Variants in FCF1 observed in about 807,000 individuals in gnomAD.
The protein encoded by FCF1 is FCF1 rRNA-processing protein.
A neutral mutation model predicts 32.5 loss-of-function variants in FCF1; 17 were observed. The observed-to-expected ratio is 0.52, with a 90% CI of 0.36 to 0.78. The LOEUF is 0.78. FCF1 is among the 30% of genes least tolerant of loss of function. The pLI is 0.00. For synonymous variants in FCF1, 84 were observed against 78.4 expected, an observed-to-expected ratio of 1.07 and a Z score of -0.38; for missense variants, 201 against 241.1, an observed-to-expected ratio of 0.83 and a Z score of 1.10.
At position 74,735,927 on chromosome 14, in the gene FCF1, G is replaced by A. The variant is rs147834292; in HGVS notation, c.*997G>A. On this transcript the variant is annotated 3_prime_UTR_variant, in exon 8 of 8. Coordinates refer to ENST00000341162, the MANE Select transcript of FCF1 (RefSeq NM_015962.5). ...TTGTTTATTTGTTTGTTTTGAGACG[G>A]AGTCTCGCTCTGTCACCAGGCTGGA... The A allele has an allele frequency of 7.1e-4, 101 of 142,664 alleles. No homozygotes were observed. The highest frequency in any genetic ancestry group is 4.8e-3 in the Middle Eastern group (1 of 210). 8.8% of individuals were successfully genotyped at this position (142,664 alleles called of 1,614,324 possible). A position where few individuals can be genotyped will look rare whatever the true frequency, so the allele number is the denominator to read the frequency against.
At position 74,734,176 on chromosome 14, in the gene FCF1, A is replaced by C; in HGVS notation, c.548+6A>C. The C allele has an allele frequency of 6.4e-7, 1 of 1,568,100 alleles. No homozygotes were observed. Among genetic ancestry groups the C allele is most frequent in the Non-Finnish European group, 8.8e-7 (1 of 1,138,492 alleles). ...ATGTACATTTCTAACCATAGGTGAG[A>C]AATTTCCCTTGGAGAAGGGAATAGA... On this transcript the variant is annotated splice_donor_region_variant and intron_variant, in intron 7 of 7. Coordinates refer to ENST00000341162, the MANE Select transcript of FCF1 (RefSeq NM_015962.5).
At chr14:74,716,240 A>G (rs927591157) in intron 4 of FCF1, 141 bp downstream of exon 4, 4 of 719,896 alleles carry the variant, frequency 5.6e-6, no homozygotes, top group African/African-American at 1.8e-5. Flanking sequence ...AGCAGTGACC[A>G]TGTTTAATGA....
intron 4 of FCF1, among the ~76,000 whole-genome samples, chr14:74,719,845 T>C (rs2090476755): frequency 6.6e-6 from 1 of 152,002 alleles, no homozygotes; most frequent in East Asian, 1.9e-4. Flanking sequence ...CTGTGTGAGA[T>C]GGAGGGTTAC....
intron 5 of FCF1, among the ~76,000 whole-genome samples, chr14:74,729,388 G>A (rs1253953603): frequency 6.6e-5 from 10 of 151,898 alleles, no homozygotes; most frequent in African/African-American, 1.5e-4. Context: ...GTTTATTTGC[G>A]TAGAGGTGTT....
intron 5 of FCF1, 101 bp from the exon 6 acceptor site, chr14:74,732,630 G>C (rs1434870460): frequency 1.2e-5 from 9 of 781,968 alleles, no homozygotes; most frequent in South Asian, 4.8e-5. Context: ...GAGGAGAACA[G>C]TGCCTTAAAA....
intron 4 of FCF1, among the ~76,000 whole-genome samples, chr14:74,720,885 T>G (rs1387379093): frequency 2.0e-5 from 3 of 150,750 alleles, no homozygotes; most frequent in Non-Finnish European, 4.4e-5. Flanking sequence ...GTTTGTTTTT[T>G]TTTTTTTTTT....
At chr14:74,726,427 A>G (rs1295873674) in intron 5 of FCF1, among the ~76,000 whole-genome samples, 3 of 151,932 alleles carry the variant, frequency 2.0e-5, no homozygotes, top group Non-Finnish European at 4.4e-5. Context: ...GTTCGAGATC[A>G]TACCACTGCA....
chr14:74,733,226 C>T (rs913825899), intron 6 of FCF1, among the ~76,000 whole-genome samples: 2 of 152,284 alleles, frequency 1.3e-5, no homozygotes, highest in Non-Finnish European at 2.9e-5. Flanking sequence ...AAAAGTGCTT[C>T]TTAGTTAAAT....
intron 4 of FCF1, among the ~76,000 whole-genome samples, chr14:74,719,150 AAAG>A (rs2090463497): frequency 6.6e-6 from 1 of 150,556 alleles, no homozygotes; most frequent in Non-Finnish European, 1.5e-5. Context: ...AAAAAAAAAA[AAAG>A]CATGCATCGT....
chr14:74,726,855 T>G (rs1594788740), intron 5 of FCF1, among the ~76,000 whole-genome samples: 1 of 146,592 alleles, frequency 6.8e-6, no homozygotes, highest in Non-Finnish European at 1.5e-5. Context: ...GAATATGCGG[T>G]GTTTGGTTTT....
In FCF1 at chr14:74,725,376, A is replaced by G. The variant is rs921587334; in HGVS notation, c.365+2032A>G. Among the ~76,000 whole-genome samples, 7 of 143,032 alleles carry G rather than the reference A, an allele frequency of 4.9e-5. No homozygotes were observed. The East Asian group carries it at 1.6e-3, about 32-fold the overall frequency. 93.8% of individuals were successfully genotyped at this position (143,032 alleles called of 152,430 possible). On this transcript the variant is annotated intron_variant, in intron 5 of 7. Transcript: ENST00000341162. ...GTGCCCATATTCCCAGCTACTCTGGAGGCTGAGGCAGGAGAATCATTTGAG... is the reference window on the plus strand; with the variant it reads ...GTGCCCATATTCCCAGCTACTCTGGGGGCTGAGGCAGGAGAATCATTTGAG...
chr14:74,715,723 G>T, intron 3 of FCF1: 2 of 910,508 alleles, frequency 2.2e-6, no homozygotes, highest in Admixed American at 2.6e-5. Flanking sequence ...TTGTTTGTTT[G>T]TTTTTGATAA....
chr14:74,730,990 C>T (rs1203934339), intron 5 of FCF1, among the ~76,000 whole-genome samples: 2 of 151,554 alleles, frequency 1.3e-5, no homozygotes, highest in African/African-American at 4.9e-5. Context: ...AGAATGAGAC[C>T]CCATCTCCAA....
intron 5 of FCF1, among the ~76,000 whole-genome samples, chr14:74,725,094 T>A (rs1222660460): frequency 6.6e-6 from 1 of 150,958 alleles, no homozygotes; most frequent in African/African-American, 2.4e-5. Context: ...AGAAAAAGAT[T>A]GCTATAGAGA....
At chr14:74,729,655 C>T (rs555201839) in intron 5 of FCF1, among the ~76,000 whole-genome samples, 65 of 152,070 alleles carry the variant, frequency 4.3e-4, no homozygotes, top group Non-Finnish European at 6.8e-4. Flanking sequence ...CTTTTGAATG[C>T]GTTTGCTCTT....
chr14:74,733,020 A>G (rs1452870360), intron 6 of FCF1, among the ~76,000 whole-genome samples: 2 of 152,186 alleles, frequency 1.3e-5, no homozygotes, highest in South Asian at 2.1e-4. Context: ...CACTCTAACC[A>G]TAATGGAAAG....
chr14:74,717,846 T>C (rs943689835), intron 4 of FCF1, among the ~76,000 whole-genome samples: 5 of 152,222 alleles, frequency 3.3e-5, no homozygotes, highest in East Asian at 1.9e-4. Context: ...TTAGGCAGGA[T>C]AGCTTTAGTC....
intron 2 of FCF1, 48 bp downstream of exon 2, chr14:74,713,600 G>C: frequency 6.7e-7 from 1 of 1,488,120 alleles, no homozygotes; most frequent in Non-Finnish European, 9.3e-7. Flanking sequence ...TAAGAGTCTA[G>C]AGAGGATAAG....
chr14:74,720,099 G>A (rs1032747862), intron 4 of FCF1, among the ~76,000 whole-genome samples: 7 of 152,166 alleles, frequency 4.6e-5, no homozygotes, highest in Non-Finnish European at 2.9e-5. Flanking sequence ...CCAAGATCGT[G>A]CCATTGCAAG....
Sources: gnomAD v4.1 joint callset for allele counts (sites outside exome capture counted in the v4.1 genomes callset) on GRCh38, gnomAD v4.1.1 for gene constraint, MANE v1.5 for transcripts, NCBI Gene and HGNC (gene_info 2026-07-23, HGNC 2026-07-21) for gene names.